GNB1L: variants seen among roughly 807,000 people sequenced by gnomAD.
GNB1L encodes the protein G protein subunit beta 1 like.
GNB1L carries 20 observed loss-of-function variants against 29.1 expected under a neutral mutation model. The ratio of observed to expected loss-of-function variants is 0.69; its 90% CI spans 0.48 to 1.00. GNB1L has a LOEUF of 1.00. Among genes scored for constraint, GNB1L ranks in the 50% least tolerant of loss-of-function variants. The pLI is 0.00. For synonymous variants in GNB1L, 193 were observed against 206.5 expected (o/e 0.93, Z 0.56); for missense variants, 421 against 464.9 (o/e 0.91, Z 0.87).
chr22:19,823,178 G>T (rs1199840519), intron 2 of GNB1L, among the ~76,000 whole-genome samples: 1 of 152,216 alleles, frequency 6.6e-6, no homozygotes, highest in Non-Finnish European at 1.5e-5. Context: ...TTTACTAACT[G>T]CCAAGTCCCA....
chr22:19,828,481 T>A (rs1937638280), intron 2 of GNB1L, among the ~76,000 whole-genome samples: 1 of 152,000 alleles, frequency 6.6e-6, no homozygotes, highest in South Asian at 2.1e-4. Flanking sequence ...ATAGTCAGAT[T>A]CCATCTCTCA....
intron 2 of GNB1L, among the ~76,000 whole-genome samples, chr22:19,835,295 A>G (rs1937744233): frequency 6.6e-6 from 1 of 151,990 alleles, no homozygotes; most frequent in Non-Finnish European, 1.5e-5. Context: ...AGTAGAAGAA[A>G]CACATTCCTC....
At chr22:19,837,319 T>C (rs1364163960) in intron 2 of GNB1L, among the ~76,000 whole-genome samples, 1 of 152,066 alleles carries the variant, frequency 6.6e-6, no homozygotes, top group African/African-American at 2.4e-5. Flanking sequence ...TGGGGAAAAA[T>C]ATTTTCAAAT....
Position 19,788,082 on chromosome 22 carries a change from G to A in GNB1L, c.*627C>T, listed in dbSNP as rs950092477. 4 of 161,854 alleles carry A rather than the reference G, an allele frequency of 2.5e-5. No individual in the cohort carries two copies. The highest frequency in any genetic ancestry group is 4.1e-5 in the Non-Finnish European group (3 of 74,034). 10.0% of individuals were successfully genotyped at this position (161,854 alleles called of 1,614,324 possible). On this transcript the variant is annotated 3_prime_UTR_variant, in exon 8 of 8. Transcript: ENST00000329517. ...TCCCACATCTGGCCTGGCCCTGTGC[G>A]CTGCAAGCCCCCCTTGCCGTCCCTC... is the stretch of plus-strand genomic sequence containing the variant.
chr22:19,840,914 G>A (rs999651594), intron 2 of GNB1L, among the ~76,000 whole-genome samples: 3 of 152,166 alleles, frequency 2.0e-5, no homozygotes, highest in Non-Finnish European at 4.4e-5. Context: ...ATCGTGAGAA[G>A]AACACAACAA....
chr22:19,846,276 G>T, intron 2 of GNB1L: 1 of 275,386 alleles, frequency 3.6e-6, no homozygotes, highest in Non-Finnish European at 5.5e-6. Context: ...ACTTACAGGT[G>T]GACTCAAGGT....
At chr22:19,790,552 T>G (rs917999755) in intron 7 of GNB1L, among the ~76,000 whole-genome samples, 4 of 152,178 alleles carry the variant, frequency 2.6e-5, no homozygotes, top group African/African-American at 9.7e-5. Flanking sequence ...TGGCTCATGC[T>G]TGTAATCCCA....
intron 2 of GNB1L, among the ~76,000 whole-genome samples, chr22:19,853,026 C>T (rs544463675): frequency 2.0e-5 from 3 of 152,294 alleles, no homozygotes; most frequent in South Asian, 4.1e-4. Flanking sequence ...GGCTCTTTTA[C>T]ATCCCAGCAC....
intron 2 of GNB1L, among the ~76,000 whole-genome samples, chr22:19,831,882 A>T: frequency 6.6e-6 from 1 of 152,170 alleles, no homozygotes; most frequent in Non-Finnish European, 1.5e-5. Context: ...ATGCCCATTA[A>T]ACACATGAAA....
At chr22:19,852,852 T>C (rs1021472905) in intron 2 of GNB1L, among the ~76,000 whole-genome samples, 12 of 152,148 alleles carry the variant, frequency 7.9e-5, no homozygotes, top group Admixed American at 7.2e-4. Context: ...GTAACTTGTC[T>C]GCAGCCACAC....
intron 2 of GNB1L, among the ~76,000 whole-genome samples, chr22:19,826,965 C>T (rs569447364): frequency 3.3e-5 from 5 of 152,188 alleles, no homozygotes; most frequent in South Asian, 2.1e-4. Context: ...CAAAGGAAAA[C>T]GCTGGGTAAC....
At chr22:19,803,894 G>A (rs538860264) in intron 6 of GNB1L, among the ~76,000 whole-genome samples, 4 of 152,384 alleles carry the variant, frequency 2.6e-5, no homozygotes, top group Admixed American at 6.5e-5. Flanking sequence ...TCCACTGCAG[G>A]AGCTGAGACT....
chr22:19,806,801 A>C, intron 5 of GNB1L, 44 bp from the exon 6 acceptor site: 1 of 1,310,988 alleles, frequency 7.6e-7, no homozygotes, highest in Non-Finnish European at 1.1e-6. Context: ...CGCCAAGTCG[A>C]GTCTGCGCTA....
intron 2 of GNB1L, chr22:19,851,290 G>C: frequency 6.2e-7 from 1 of 1,613,776 alleles, no homozygotes; most frequent in Non-Finnish European, 8.5e-7. Flanking sequence ...CTGTTTTCTG[G>C]GGTTTTGGAC....
chr22:19,835,799 T>A (rs1177238497), intron 2 of GNB1L, among the ~76,000 whole-genome samples: 1 of 152,204 alleles, frequency 6.6e-6, no homozygotes, highest in Non-Finnish European at 1.5e-5. Context: ...TAAACAACAC[T>A]GTTTTATATA....
intron 7 of GNB1L, among the ~76,000 whole-genome samples, chr22:19,793,398 G>A (rs1452482675): frequency 6.6e-6 from 1 of 152,114 alleles, no homozygotes; most frequent in East Asian, 1.9e-4. Flanking sequence ...CCAATCTGAA[G>A]AGAGAAAAAA....
At position 19,802,106 on chromosome 22, in the gene GNB1L, C is replaced by A. The variant is rs1352539551; in HGVS notation, c.627G>T (p.Glu209Asp). 1 of 1,613,482 alleles carries A rather than the reference C, an allele frequency of 6.2e-7. No homozygotes were observed. Among genetic ancestry groups the A allele is most frequent in the South Asian group, 1.1e-5 (1 of 91,088 alleles). ...AGTCAAAGTCAAGGTCCATGACGGG[C>A]TCCTCATGGCAGGCGATGCGGCTGC... ...KVCSRIACHE[E>D]PVMDLDFDSQ... is the part of the protein sequence containing the mutation. The change falls in exon 7 of 8, where the codon GAG becomes GAT. Residue 209 changes from glutamate (E) to aspartate (D), a missense_variant. Glu to Asp is a conservative substitution (Grantham distance 45). Coordinates refer to ENST00000329517, the MANE Select transcript of GNB1L (RefSeq NM_053004.3).
intron 2 of GNB1L, chr22:19,851,998 G>A: frequency 4.3e-6 from 7 of 1,614,218 alleles, no homozygotes; most frequent in Non-Finnish European, 5.9e-6. Flanking sequence ...GGGGTCGGGA[G>A]CTGGGCATGT....
intron 4 of GNB1L, among the ~76,000 whole-genome samples, chr22:19,815,528 G>A (rs1937520896): frequency 6.6e-6 from 1 of 152,214 alleles, no homozygotes; most frequent in Non-Finnish European, 1.5e-5. Context: ...TCATATGGAG[G>A]GCACCCATGT....
Sources: allele counts gnomAD v4.1 joint callset (sites outside exome capture counted in the v4.1 genomes callset), GRCh38; gene constraint gnomAD v4.1.1; transcripts MANE v1.5; gene names NCBI Gene and HGNC (gene_info 2026-07-23, HGNC 2026-07-21).